Variants in CS observed in about 807,000 individuals in gnomAD.
CS encodes citrate synthase, mitochondrial.
In CS, 13 loss-of-function variants were observed where a neutral mutation model predicts 61.4. That is an observed-to-expected ratio of 0.21 (90% CI 0.14 to 0.34). The LOEUF (loss-of-function observed/expected upper bound fraction) is 0.34, where lower values mean the gene tolerates loss of function less well. Among genes scored for constraint, CS ranks in the 10% least tolerant of loss-of-function variants. CS has a pLI of 1.00. For missense variants in CS, 278 were observed against 573.4 expected (o/e 0.48, Z 5.26); for synonymous variants, 159 against 215.2 (o/e 0.74, Z 2.29).
rs1310012556 is a variant in CS, at chr12:56,282,588, C to A, written c.420G>T (p.Glu140Asp). ...AAGGCAGAGCTGCCCTCTTTGCCCA[C>A]TCTTTTGAGAGCCAAGATACCTGTG... ...TEEQVSWLSK[E>D]WAKRAALPSH... is the part of the protein sequence containing the mutation. The change falls in exon 6 of 11, where the codon GAG becomes GAT. Residue 140 changes from glutamate (E) to aspartate (D), a missense_variant. By Grantham distance (45) the Glu-to-Asp change is conservative. Coordinates refer to ENST00000351328, the MANE Select transcript of CS (RefSeq NM_004077.3). 1 of 1,606,902 alleles carries A rather than the reference C, an allele frequency of 6.2e-7. No homozygotes were observed. Among genetic ancestry groups the A allele is most frequent in the African/African-American group, 1.3e-5 (1 of 74,702 alleles).
At chr12:56,285,811 G>A (rs1658193290) in intron 3 of CS, 105 bp downstream of exon 3, 1 of 891,926 alleles carries the variant, frequency 1.1e-6, no homozygotes. Context: ...TGTCCTACAG[G>A]GCCTATGGGA....
intron 1 of CS, among the ~76,000 whole-genome samples, chr12:56,295,290 A>AG (rs1347870558): frequency 1.3e-5 from 2 of 151,758 alleles, no homozygotes; most frequent in Non-Finnish European, 2.9e-5. Flanking sequence ...TGGGAGGCTG[A>AG]GGCGGGTGGA....
intron 3 of CS, among the ~76,000 whole-genome samples, chr12:56,284,919 G>T (rs975914669): frequency 6.8e-6 from 1 of 148,096 alleles, no homozygotes; most frequent in Admixed American, 6.7e-5. Context: ...AAAAAACAGG[G>T]TTTTGCCAGC....
At position 56,275,038 on chromosome 12, in the gene CS, G is replaced by A. The variant is rs143369618; in HGVS notation, c.882C>T (p.Asn294=). ...GTCCATGGAGAGGCCCTGCCAGCCCGTTCATGGCTGCTGCAAAGGACAGGT... is the reference window on the plus strand; with the variant it reads ...GTCCATGGAGAGGCCCTGCCAGCCCATTCATGGCTGCTGCAAAGGACAGGT... The part of the protein sequence containing the change: ...DPYLSFAAAM[N]GLAGPLHGLA... Residue 294 remains asparagine, a synonymous_variant, in exon 8 of 11, where the codon AAC becomes AAT. Transcript: ENST00000351328. 4.7e-4 allele frequency: 757 copies of A among 1,614,090 alleles called. 1 individual carries two copies. The highest frequency in any genetic ancestry group is 5.7e-4 in the Admixed American group (34 of 60,006).
At position 56,282,985 on chromosome 12, in the gene CS, G is replaced by T; in HGVS notation, c.274C>A (p.Arg92Ser). Residue 92 changes from arginine (R) to serine (S), a missense_variant, in exon 5 of 11, where the codon CGT becomes AGT. Arg to Ser is a moderately radical substitution (Grantham distance 110). Transcript: ENST00000351328. ...TSVLDPDEGI[R>S]FRGFSIPECQ... ...TCAGGGATACTAAAGCCTCGGAAACGGATGCCCTTGAGAGAGGAGAGAGAG... is the reference window on the plus strand; with the variant it reads ...TCAGGGATACTAAAGCCTCGGAAACTGATGCCCTTGAGAGAGGAGAGAGAG... 1 of 1,614,108 alleles carries T rather than the reference G, an allele frequency of 6.2e-7. No individual in the cohort carries two copies. Among genetic ancestry groups the T allele is most frequent in the Non-Finnish European group, 8.5e-7 (1 of 1,180,002 alleles).
intron 1 of CS, among the ~76,000 whole-genome samples, chr12:56,288,009 G>A (rs935256233): frequency 6.6e-6 from 1 of 152,084 alleles, no homozygotes; most frequent in African/African-American, 2.4e-5. Flanking sequence ...CTAGGAATAC[G>A]GCCTGAGGCA....
chr12:56,294,355 T>A (rs1192880092), intron 1 of CS, among the ~76,000 whole-genome samples: 1 of 150,278 alleles, frequency 6.7e-6, no homozygotes, highest in Non-Finnish European at 1.5e-5. Flanking sequence ...ACACCTGTAA[T>A]CTCAGCTAAC....
chr12:56,275,532 A>G, intron 7 of CS: 1 of 206,204 alleles, frequency 4.8e-6, no homozygotes. Context: ...AGATTGCGCC[A>G]TTGCACTCCA....
At chr12:56,285,085 C>T (rs1001913845) in intron 3 of CS, 4 of 204,206 alleles carry the variant, frequency 2.0e-5, no homozygotes, top group African/African-American at 7.1e-5. Flanking sequence ...GCTGGGATTA[C>T]AGTTGCCTGC....
chr12:56,287,656 CTT>C (rs1872984599), intron 1 of CS, among the ~76,000 whole-genome samples: 1 of 151,582 alleles, frequency 6.6e-6, no homozygotes, highest in Non-Finnish European at 1.5e-5. Flanking sequence ...TTTCTTTTTC[CTT>C]TTCTTTATTT....
intron 1 of CS, among the ~76,000 whole-genome samples, chr12:56,289,112 A>G (rs1420565194): frequency 6.6e-6 from 1 of 152,194 alleles, no homozygotes; most frequent in Non-Finnish European, 1.5e-5. Flanking sequence ...AGTCTCCTCT[A>G]TCTTACTGAG....
chr12:56,282,836 G>A (rs1872815777), intron 5 of CS, 24 bp downstream of exon 5: 4 of 1,613,258 alleles, frequency 2.5e-6, no homozygotes, highest in Non-Finnish European at 3.4e-6. Context: ...AATGAGAAGA[G>A]CTAATAATAT....
chr12:56,298,702 C>T (rs997083882), intron 1 of CS: 22 of 984,172 alleles, frequency 2.2e-5, no homozygotes, highest in Non-Finnish European at 2.5e-5. Flanking sequence ...CTGGAAGAAC[C>T]AAGGTAAATC....
intron 1 of CS, among the ~76,000 whole-genome samples, chr12:56,292,759 C>A (rs974158610): frequency 4.7e-5 from 7 of 148,468 alleles, no homozygotes; most frequent in African/African-American, 1.7e-4. Context: ...AAAAAATTAG[C>A]CGGGCGTCAT....
intron 9 of CS, 56 bp downstream of exon 9, chr12:56,274,721 A>G: frequency 2.2e-6 from 3 of 1,341,548 alleles, no homozygotes; most frequent in Non-Finnish European, 3.0e-6. Flanking sequence ...TAATTCTTCC[A>G]AATTGCAGAA....
Position 56,285,926 on chromosome 12 carries a change from G to C in CS, c.191C>G (p.Thr64Ser). 1 of 1,612,100 alleles carries C rather than the reference G, an allele frequency of 6.2e-7. No individual in the cohort carries two copies. The highest frequency in any genetic ancestry group is 8.5e-7 in the Non-Finnish European group (1 of 1,179,626). ...QHGKTVVGQI[T>S]VDMMYGGMRG... Reference sequence around the variant, plus strand: ...CCACACAACCCTTACCATGTCCACAGTGATTTGGCCCACCACCGTCTTGCC... The same window carrying C: ...CCACACAACCCTTACCATGTCCACACTGATTTGGCCCACCACCGTCTTGCC... The change falls in exon 3 of 11, where the codon ACT becomes AGT. Residue 64 changes from threonine (T) to serine (S), a missense_variant. Transcript: ENST00000351328.
intron 1 of CS, chr12:56,291,434 A>C: frequency 8.1e-6 from 2 of 247,996 alleles, no homozygotes; most frequent in Non-Finnish European, 1.4e-5. Flanking sequence ...GAGGCATCTC[A>C]GGGAGAGGAA....
intron 6 of CS, among the ~76,000 whole-genome samples, chr12:56,276,627 C>T (rs748749221): frequency 8.5e-5 from 13 of 152,140 alleles, no homozygotes; most frequent in Admixed American, 2.0e-4. Context: ...CTGCAACCTC[C>T]GCCTCCCAAG....
rs372108588 is a variant in CS at position 56,273,677 on chromosome 12, C to T, written c.1140G>A (p.Leu380=). The change falls in exon 10 of 11, where the codon CTG becomes CTA. Residue 380 remains leucine, a synonymous_variant. Coordinates refer to ENST00000351328, the MANE Select transcript of CS (RefSeq NM_004077.3). ...AGAGGACATTGGGCACAATCTTGTA[C>T]AGCTGAGCAACCAACTTAAACATGG... The part of the protein sequence containing the change: ...NDPMFKLVAQ[L]YKIVPNVLLE... 1.1e-5 allele frequency: 18 copies of T among 1,614,068 alleles called. No individual in the cohort carries two copies. Among genetic ancestry groups the T allele is most frequent in the Non-Finnish European group, 1.3e-5 (15 of 1,180,048 alleles).
Sources: gnomAD v4.1 joint callset for allele counts (sites outside exome capture counted in the v4.1 genomes callset) on GRCh38, gnomAD v4.1.1 for gene constraint, MANE v1.5 for transcripts, NCBI Gene and HGNC (gene_info 2026-07-23, HGNC 2026-07-21) for gene names.